The following NUP210 variants were observed in gnomAD, a reference collection of about 807,000 sequenced individuals.
The protein encoded by NUP210 is nucleoporin 210, also known as nuclear pore membrane glycoprotein 210.
Under a neutral mutation model 196.0 loss-of-function variants are expected in NUP210, and 151 were observed. The ratio of observed to expected loss-of-function variants is 0.77; its 90% CI spans 0.67 to 0.88. The LOEUF (loss-of-function observed/expected upper bound fraction) is 0.88. NUP210 is among the 40% of genes least tolerant of loss of function. The pLI, the probability that NUP210 is intolerant of heterozygous loss-of-function variation, is 0.00. For missense variants in NUP210, 2,314 were observed against 2,493.7 expected (o/e 0.93, Z 1.53); for synonymous variants, 1,070 against 1,052.7 (o/e 1.02, Z -0.32).
intron 28 of NUP210, among the ~76,000 whole-genome samples, chr3:13,333,157 T>C (rs1459081294): frequency 6.6e-6 from 1 of 152,164 alleles, no homozygotes; most frequent in Non-Finnish European, 1.5e-5. Flanking sequence ...TCAGATCTGA[T>C]CCTGGGACGC....
At chr3:13,349,581 G>A (rs1041644297) in intron 20 of NUP210, among the ~76,000 whole-genome samples, 5 of 152,220 alleles carry the variant, frequency 3.3e-5, no homozygotes, top group Non-Finnish European at 7.3e-5. Context: ...AGCTCCTAAC[G>A]TGCAGGTGTC....
At chr3:13,356,967 G>C (rs973318784) in intron 16 of NUP210, among the ~76,000 whole-genome samples, 1 of 152,218 alleles carries the variant, frequency 6.6e-6, no homozygotes, top group Non-Finnish European at 1.5e-5. Flanking sequence ...ACATAGGTAT[G>C]ATTTGTTTTT....
At chr3:13,391,407 C>T (rs1327595281) in intron 3 of NUP210, 100 bp from the exon 4 acceptor site, 1 of 725,854 alleles carries the variant, frequency 1.4e-6, no homozygotes, top group Admixed American at 2.1e-5. Flanking sequence ...AACCACACTC[C>T]ACATCACCAC....
At chr3:13,353,417 C>T (rs1698049918) in intron 18 of NUP210, 137 bp downstream of exon 18, 1 of 705,666 alleles carries the variant, frequency 1.4e-6, no homozygotes, top group Non-Finnish European at 2.5e-6. Flanking sequence ...CCTGGGGCCT[C>T]CAAGAGGCTG....
intron 8 of NUP210, among the ~76,000 whole-genome samples, chr3:13,377,945 C>G (rs565937382): frequency 1.4e-4 from 22 of 152,222 alleles, no homozygotes; most frequent in African/African-American, 5.1e-4. Flanking sequence ...CCCTACACCA[C>G]CCACCTGGAG....
intron 3 of NUP210, among the ~76,000 whole-genome samples, chr3:13,391,577 T>C (rs1225998339): frequency 6.6e-6 from 1 of 151,182 alleles, no homozygotes; most frequent in Admixed American, 6.6e-5. Context: ...TGTGACTCCC[T>C]GCCCTTGACT....
rs1033302520 is a variant in NUP210 at position 13,372,159 on chromosome 3, G to A, written c.1588-127C>T. On this transcript the variant is annotated intron_variant, in intron 12 of 39. Transcript: ENST00000254508. Reference sequence around the variant, plus strand: ...TACATCTGTGAGAAGCCTGTCACGGGCAGTGGGGTGATTCAGGGACAGAGA... The same window carrying A: ...TACATCTGTGAGAAGCCTGTCACGGACAGTGGGGTGATTCAGGGACAGAGA... 22 of 881,380 alleles carry A rather than the reference G, an allele frequency of 2.5e-5. 1 individual carries two copies. Among genetic ancestry groups the A allele is most frequent in the African/African-American group, 2.4e-4 (14 of 59,096 alleles). 54.6% of individuals were successfully genotyped at this position (881,380 alleles called of 1,614,324 possible).
Position 13,335,414 on chromosome 3 carries a change from C to T in NUP210, c.3843+40G>A, listed in dbSNP as rs1470227277. On this transcript the variant is annotated intron_variant, in intron 28 of 39. Coordinates refer to ENST00000254508, the MANE Select transcript of NUP210 (RefSeq NM_024923.4). ...AAGGAAGATTGGGCAGCTGGCACTT[C>T]CTCTCCCCCTTCCCTGTGGCCTTTC... 1.9e-6 allele frequency: 3 copies of T among 1,582,546 alleles called. No homozygotes were observed. In the Admixed American group the frequency reaches 5.1e-5, roughly 27 times the overall value.
In NUP210 at chr3:13,322,231, T is replaced by C. The variant is rs1252885824; in HGVS notation, c.4877A>G (p.Asp1626Gly). ...KPAVFDFPSQ[D>G]VFTVEPQFDT... ...AAACTGTGGCTCCACGGTGAACACA[T>C]CTTGAGATGGGAAATCAAAGACGGC... is the stretch of plus-strand genomic sequence containing the variant. The change falls in exon 35 of 40, where the codon GAT becomes GGT. Residue 1626 changes from aspartate to glycine, a missense_variant. Transcript: ENST00000254508. 6.2e-7 allele frequency: 1 copy of C among 1,613,940 alleles called. No individual in the cohort carries two copies. The highest frequency in any genetic ancestry group is 8.5e-7 in the Non-Finnish European group (1 of 1,180,024).
chr3:13,325,099 C>T (rs1355732561), intron 33 of NUP210, among the ~76,000 whole-genome samples: 1 of 152,146 alleles, frequency 6.6e-6, no homozygotes, highest in Non-Finnish European at 1.5e-5. Flanking sequence ...GATCACAAAG[C>T]CAGACCATGC....
At chr3:13,361,504 G>A (rs901952237) in intron 14 of NUP210, among the ~76,000 whole-genome samples, 9 of 152,136 alleles carry the variant, frequency 5.9e-5, no homozygotes, top group African/African-American at 2.2e-4. Context: ...CTCCACAGGA[G>A]GACTCCTCCC....
intron 9 of NUP210, among the ~76,000 whole-genome samples, chr3:13,376,667 G>A (rs1272001789): frequency 2.6e-5 from 4 of 152,026 alleles, no homozygotes; most frequent in Middle Eastern, 3.2e-3. Context: ...GATGACCTGC[G>A]CTTCGATTTC....
chr3:13,406,669 C>T (rs1203420043), intron 1 of NUP210, among the ~76,000 whole-genome samples: 1 of 152,216 alleles, frequency 6.6e-6, no homozygotes, highest in Non-Finnish European at 1.5e-5. Flanking sequence ...CAGAGTCCGG[C>T]GACTTTTCTG....
chr3:13,418,419 C>G (rs893283188), intron 1 of NUP210, among the ~76,000 whole-genome samples: 2 of 152,024 alleles, frequency 1.3e-5, no homozygotes, highest in Non-Finnish European at 2.9e-5. Context: ...ATAGTGAAAC[C>G]CCATCTTTAC....
Position 13,317,640 on chromosome 3 carries a change from A to C in NUP210, c.*41T>G. On this transcript the variant is annotated 3_prime_UTR_variant, in exon 40 of 40. Coordinates refer to ENST00000254508, the MANE Select transcript of NUP210 (RefSeq NM_024923.4). Reference sequence around the variant, plus strand: ...GGATGTTCCATCTTGGGGGTGCACGAGGCTCGGCTGAGACCCATCCTCCGG... The same window carrying C: ...GGATGTTCCATCTTGGGGGTGCACGCGGCTCGGCTGAGACCCATCCTCCGG... 1.4e-6 allele frequency: 2 copies of C among 1,421,832 alleles called. No individual in the cohort carries two copies. The highest frequency in any genetic ancestry group is 2.0e-6 in the Non-Finnish European group (2 of 1,024,178). 88.1% of individuals were successfully genotyped at this position (1,421,832 alleles called of 1,614,324 possible). A position where few individuals can be genotyped will look rare whatever the true frequency, so the allele number is the denominator to read the frequency against.
chr3:13,356,971 TG>T (rs1385638443), intron 16 of NUP210, among the ~76,000 whole-genome samples: 1 of 152,196 alleles, frequency 6.6e-6, no homozygotes, highest in Non-Finnish European at 1.5e-5. Context: ...AGGTATGATT[TG>T]TTTTTCTTTG....
intron 1 of NUP210, among the ~76,000 whole-genome samples, chr3:13,408,392 C>T (rs192636003): frequency 6.6e-6 from 1 of 152,208 alleles, no homozygotes; most frequent in East Asian, 1.9e-4. Flanking sequence ...ACAATTGCTC[C>T]TTCTCTCTCT....
At position 13,328,763 on chromosome 3, in the gene NUP210, C is replaced by T; in HGVS notation, c.4286+8G>A. 6.2e-7 allele frequency: 1 copy of T among 1,613,682 alleles called. No homozygotes were observed. Among genetic ancestry groups the T allele is most frequent in the Non-Finnish European group, 8.5e-7 (1 of 1,179,608 alleles). On this transcript the variant is annotated splice_region_variant and intron_variant, in intron 31 of 39. Transcript: ENST00000254508. Reference sequence around the variant, plus strand: ...TCATAGGAGAAATGACCCTTGCCCACATCCTACCTGTTAGTGGCAAAGTTG... The same window carrying T: ...TCATAGGAGAAATGACCCTTGCCCATATCCTACCTGTTAGTGGCAAAGTTG...
intron 6 of NUP210, among the ~76,000 whole-genome samples, chr3:13,385,519 C>T (rs1197355243): frequency 6.6e-6 from 1 of 152,216 alleles, no homozygotes; most frequent in Non-Finnish European, 1.5e-5. Context: ...TCATTTTGTC[C>T]TCACAGCCCA....
Sources: allele counts gnomAD v4.1 joint callset (sites outside exome capture counted in the v4.1 genomes callset), GRCh38; gene constraint gnomAD v4.1.1; transcripts MANE v1.5; gene names NCBI Gene and HGNC (gene_info 2026-07-23, HGNC 2026-07-21).